TXNDC8: variants seen among roughly 807,000 people sequenced by gnomAD.
TXNDC8 encodes the protein thioredoxin domain-containing protein 8.
Under a neutral mutation model 12.9 loss-of-function variants are expected in TXNDC8, and 15 were observed. The ratio of observed to expected loss-of-function variants is 1.16; its 90% confidence interval spans 0.78 to 1.79. The LOEUF is 1.79. Among genes scored for constraint, TXNDC8 ranks in the 40% most tolerant of loss-of-function variants. The probability of loss-of-function intolerance (pLI) is 0.00; values close to 1 mark genes in which losing one functional copy is unlikely to be tolerated. For synonymous variants in TXNDC8, 40 were observed against 35.4 expected (o/e 1.13, Z -0.46); for missense variants, 128 against 113.2 (o/e 1.13, Z -0.59).
intron 3 of TXNDC8, among the ~76,000 whole-genome samples, chr9:110,325,777 C>A (rs1448404006): frequency 1.3e-5 from 2 of 152,156 alleles, no homozygotes; most frequent in African/African-American, 4.8e-5. Flanking sequence ...CCTTGGCCTC[C>A]CAAAGTGCTG....
chr9:110,320,294 G>C (rs995827282), intron 3 of TXNDC8, among the ~76,000 whole-genome samples: 6 of 152,080 alleles, frequency 3.9e-5, no homozygotes, highest in African/African-American at 1.4e-4. Flanking sequence ...CATGGGGGCG[G>C]GTCTTTCCTG....
intron 3 of TXNDC8, among the ~76,000 whole-genome samples, chr9:110,311,263 GA>G (rs1015402419): frequency 2.0e-5 from 3 of 151,616 alleles, no homozygotes; most frequent in Admixed American, 6.6e-5. Flanking sequence ...ATACAACGGG[GA>G]AAATACTTGT....
intron 3 of TXNDC8, among the ~76,000 whole-genome samples, chr9:110,311,523 A>ATG (rs1587956935): frequency 1.1e-5 from 1 of 87,764 alleles, no homozygotes; most frequent in East Asian, 3.7e-4. Context: ...ATAAAGAGGT[A>ATG]TATATATATA....
At chr9:110,308,063 C>T (rs1392134306) in intron 3 of TXNDC8, among the ~76,000 whole-genome samples, 2 of 152,192 alleles carry the variant, frequency 1.3e-5, no homozygotes, top group African/African-American at 4.8e-5. Context: ...TTTGGCAAAT[C>T]TCCTGTTGGT....
rs1838897488 is a variant in TXNDC8, at chr9:110,316,725, T to G, written c.195+9450A>C. 2.0e-5 allele frequency among the ~76,000 whole-genome samples: 3 copies of G among 152,266 alleles called. No homozygotes were observed. The South Asian group carries it at 6.2e-4, about 31-fold the overall frequency. ...ATTTTCTTGTAGCTGATTTAGAAAC[T>G]CTACTTACAGATCTGATTCTTTGAG... On this transcript the variant is annotated intron_variant, in intron 3 of 4. Coordinates refer to ENST00000423740, the MANE Select transcript of TXNDC8 (RefSeq NM_001286946.2).
Position 110,305,806 on chromosome 9 carries a change from T to TCTTTC in TXNDC8, c.196-1279_196-1275dup, listed in dbSNP as rs796080969. 1.3e-3 allele frequency among the ~76,000 whole-genome samples: 105 copies of TCTTTC among 81,866 alleles called. 2 individuals carry two copies. Among genetic ancestry groups the TCTTTC allele is most frequent in the Middle Eastern group, 0.013 (2 of 160 alleles). 53.7% of individuals were successfully genotyped at this position (81,866 alleles called of 152,430 possible). A position where few individuals can be genotyped will look rare whatever the true frequency, so the allele number is the denominator to read the frequency against. Reference sequence around the variant, plus strand: ...TTCTTTTCTTTCTTTTCTTTTCTTTTCTTTCCTTTCCTTTCCTTTCCTTTC... The same window carrying TCTTTC: ...TTCTTTTCTTTCTTTTCTTTTCTTTTCTTTCCTTTCCTTTCCTTTCCTTTCCTTTC... On this transcript the variant is annotated intron_variant, in intron 3 of 4. Transcript: ENST00000423740.
At chr9:110,334,027 A>G (rs931817803) in intron 2 of TXNDC8, among the ~76,000 whole-genome samples, 189 bp downstream of exon 2, 1 of 152,180 alleles carries the variant, frequency 6.6e-6, no homozygotes, top group African/African-American at 2.4e-5. Flanking sequence ...AAGTAGTATT[A>G]ATCTTCTGGT....
rs972457293 is a variant in TXNDC8 at position 110,322,467 on chromosome 9, A to G, written c.195+3708T>C. ...CATATCCATTAGAGACCAGTTAGAT[A>G]TAATTGTTTATAAATGTCCTCTCTC... On this transcript the variant is annotated intron_variant, in intron 3 of 4. Coordinates refer to ENST00000423740, the MANE Select transcript of TXNDC8 (RefSeq NM_001286946.2). The G allele has an allele frequency of 1.0e-5, 10 of 985,316 alleles. No homozygotes were observed. The Admixed American group carries it at 1.8e-4, about 18-fold the overall frequency. 61.0% of individuals were successfully genotyped at this position (985,316 alleles called of 1,614,324 possible).
chr9:110,312,669 T>TA (rs1009077596), intron 3 of TXNDC8, among the ~76,000 whole-genome samples: 4 of 152,272 alleles, frequency 2.6e-5, no homozygotes, highest in East Asian at 1.9e-4. Flanking sequence ...AAAGCCTATG[T>TA]AAAAAAAATT....
intron 3 of TXNDC8, among the ~76,000 whole-genome samples, chr9:110,318,224 A>C (rs1343406007): frequency 6.6e-6 from 1 of 152,186 alleles, no homozygotes; most frequent in Non-Finnish European, 1.5e-5. Flanking sequence ...ACAAGGAAAG[A>C]CCTCAGAAGT....
intron 2 of TXNDC8, among the ~76,000 whole-genome samples, chr9:110,332,431 A>G (rs1410005298): frequency 1.3e-5 from 2 of 152,214 alleles, no homozygotes; most frequent in African/African-American, 2.4e-5. Flanking sequence ...CTCTATTGGA[A>G]TATAAGTTCA....
At chr9:110,318,413 G>A (rs1260175931) in intron 3 of TXNDC8, among the ~76,000 whole-genome samples, 1 of 152,126 alleles carries the variant, frequency 6.6e-6, no homozygotes, top group Non-Finnish European at 1.5e-5. Flanking sequence ...AAATTCAGAG[G>A]AGAAGAGCAG....
chr9:110,311,699 TGG>T (rs1838691087), intron 3 of TXNDC8, among the ~76,000 whole-genome samples: 2 of 128,628 alleles, frequency 1.6e-5, no homozygotes, highest in African/African-American at 6.2e-5. Flanking sequence ...TATATATACA[TGG>T]ATATACTATA....
intron 4 of TXNDC8, 68 bp downstream of exon 5, chr9:110,304,399 G>A: frequency 7.0e-7 from 1 of 1,421,762 alleles, no homozygotes; most frequent in Non-Finnish European, 9.8e-7. Context: ...GCCTGAGTGT[G>A]TCATTATATT....
At chr9:110,326,349 C>T (rs1205711867) in intron 2 of TXNDC8, 109 bp from the exon 4 acceptor site, 2 of 1,031,772 alleles carry the variant, frequency 1.9e-6, no homozygotes, top group Non-Finnish European at 3.0e-6. Context: ...TCCAAGGACA[C>T]CTGACACTTT....
At chr9:110,311,521 G>GGTA (rs1491185921) in intron 3 of TXNDC8, among the ~76,000 whole-genome samples, 42 of 41,244 alleles carry the variant, frequency 1.0e-3, no homozygotes, top group African/African-American at 2.5e-3. Context: ...AAATAAAGAG[G>GGTA]TATATATATA....
chr9:110,327,947 T>C (rs1405057843), intron 2 of TXNDC8, among the ~76,000 whole-genome samples: 1 of 152,200 alleles, frequency 6.6e-6, no homozygotes, highest in Admixed American at 6.5e-5. Flanking sequence ...TCTGAATTTA[T>C]AGGTTATGAT....
Position 110,330,927 on chromosome 9 carries a change from T to A in TXNDC8, c.129+3289A>T, listed in dbSNP as rs535066907. Among the ~76,000 whole-genome samples the A allele has an allele frequency of 1.3e-4, 20 of 152,324 alleles. 1 individual carries two copies. The highest frequency in any genetic ancestry group is 4.1e-4 in the African/African-American group (17 of 41,574). ...GTTTTTTTTTTCTTGTTGTAATACA[T>A]CCATTAGCAATTTCTTCAGAGAGAT... On this transcript the variant is annotated intron_variant, in intron 2 of 4. Transcript: ENST00000423740.
At chr9:110,328,527 C>CT (rs1259198409) in intron 2 of TXNDC8, among the ~76,000 whole-genome samples, 1 of 152,240 alleles carries the variant, frequency 6.6e-6, no homozygotes, top group Non-Finnish European at 1.5e-5. Context: ...ATTAACAAGG[C>CT]TGGATGCAGT....
Sources: gnomAD v4.1 joint callset for allele counts (sites outside exome capture counted in the v4.1 genomes callset) on GRCh38, gnomAD v4.1.1 for gene constraint, MANE v1.5 for transcripts, NCBI Gene and HGNC (gene_info 2026-07-23, HGNC 2026-07-21) for gene names.